The following TDRD6 variants were observed in gnomAD, a reference collection of about 807,000 sequenced individuals.
TDRD6 encodes the protein tudor domain containing 6, also known as tudor domain-containing protein 6.
A neutral mutation model predicts 157.5 loss-of-function variants in TDRD6; 186 were observed. The observed-to-expected ratio is 1.18, with a 90% CI of 1.05 to 1.33. The LOEUF (loss-of-function observed/expected upper bound fraction) is 1.33, where lower values mean the gene tolerates loss of function less well. Among genes scored for constraint, TDRD6 ranks in the 40% most tolerant of loss-of-function variants. The probability of loss-of-function intolerance (pLI) is 0.00; values close to 1 mark genes in which losing one functional copy is unlikely to be tolerated. For synonymous variants in TDRD6, 1,075 were observed against 945.2 expected, an observed-to-expected ratio of 1.14 and a Z score of -2.52; for missense variants, 3,066 against 2,508.0, an observed-to-expected ratio of 1.22 and a Z score of -4.75.
At chr6:46,683,724 A>T (rs1055597656), upstream of TDRD6, among the ~76,000 whole-genome samples, 3 of 133,058 alleles carry the variant, frequency 2.3e-5, no homozygotes, top group Admixed American at 2.3e-4. Context: ...AATAACTACA[A>T]CTTATTACAT....
chr6:46,687,781 C>T, upstream of TDRD6: 1 of 241,184 alleles, frequency 4.1e-6, no homozygotes, highest in Non-Finnish European at 8.0e-6. Context: ...CCTGAACGTC[C>T]CAACAAGCTC....
chr6:46,695,681 G>T, intron 1 of TDRD6, 140 bp from the exon 2 acceptor site: 1 of 761,434 alleles, frequency 1.3e-6, no homozygotes, highest in Non-Finnish European at 1.9e-6. Flanking sequence ...CAAAATTGAG[G>T]GAGACAGTCA....
Position 46,688,115 on chromosome 6 carries a change from GC to G in TDRD6, c.-12del, listed in dbSNP as rs1179052632. 18 of 1,490,612 alleles carry G rather than the reference GC, an allele frequency of 1.2e-5. No homozygotes were observed. The highest frequency in any genetic ancestry group is 2.9e-5 in the African/African-American group (2 of 68,484). The allele number at this position is 1,490,612 out of a possible 1,614,324, so 92.3% of individuals were successfully genotyped here. On this transcript the variant is annotated 5_prime_UTR_variant, in exon 1 of 4. Transcript: ENST00000316081. Reference sequence around the variant, plus strand: ...CTTAATTTCCGGAAGTGGGGGCCGCGCCGCGCCGTCAAGATGTGCTCGACGC... The same window carrying G: ...CTTAATTTCCGGAAGTGGGGGCCGCGCGCGCCGTCAAGATGTGCTCGACGC...
rs756657916 is a variant in TDRD6 at position 46,691,704 on chromosome 6, A to G, written c.3576A>G (p.Thr1192=). Residue 1192 remains threonine (T), a synonymous_variant, in exon 1 of 4, where the codon ACA becomes ACG. Transcript: ENST00000316081. The part of the protein sequence containing the change: ...EKNENMKLPC[T]EYLSKSVGYK... ...ATGAGAATATGAAGTTGCCATGTAC[A>G]GAGTATTTAAGTAAATCAGTAGGGT... is the stretch of plus-strand genomic sequence containing the variant. 10 of 1,608,476 alleles carry G rather than the reference A, an allele frequency of 6.2e-6. No homozygotes were observed. In the East Asian group the frequency reaches 1.8e-4, roughly 29 times the overall value.
At chr6:46,681,481 G>C in the TDRD6 span, 1 of 463,576 alleles carries the variant, frequency 2.2e-6, no homozygotes, top group South Asian at 1.6e-5. Context: ...TCTGAATTTT[G>C]AGGAATACAT....
In TDRD6 at chr6:46,692,242, G is replaced by A. The variant is rs1357200144; in HGVS notation, c.4114G>A (p.Ala1372Thr). Residue 1372 changes from alanine to threonine, a missense_variant, in exon 1 of 4, where the codon GCT becomes ACT. Coordinates refer to ENST00000316081, the MANE Select transcript of TDRD6 (RefSeq NM_001010870.3). ...CCCAGAAGATAATTTATGGTATCGT[G>A]CTGTGATCAAGGAGCAACAACCCAA... ...VFPEDNLWYR[A>T]VIKEQQPNDL... The A allele has an allele frequency of 9.9e-6, 16 of 1,613,966 alleles. No homozygotes were observed. The highest frequency in any genetic ancestry group is 3.3e-5 in the Admixed American group (2 of 60,002).
Position 46,691,629 on chromosome 6 carries a change from AAAAG to A in TDRD6, c.3506_3509del (p.Glu1169ValfsTer18), listed in dbSNP as rs1582544808. 9 of 1,613,484 alleles carry A rather than the reference AAAAG, an allele frequency of 5.6e-6. No homozygotes were observed. Among genetic ancestry groups the A allele is most frequent in the African/African-American group, 1.3e-5 (1 of 75,020 alleles). ...TTAGTTACAAAGATAGAATAAGAAA[AAAAG>A]AAAGTGAAGTCCTCTGTTCTACAAC... On this transcript the variant is annotated frameshift_variant, in exon 1 of 4. Coordinates refer to ENST00000316081, the MANE Select transcript of TDRD6 (RefSeq NM_001010870.3). LOFTEE classifies it high-confidence loss of function.
At chr6:46,680,788 T>C in the TDRD6 span, among the ~76,000 whole-genome samples, 2 of 152,226 alleles carry the variant, frequency 1.3e-5, no homozygotes. Flanking sequence ...AGATGCACTA[T>C]ACTTGCTGCT....
At position 46,689,486 on chromosome 6, in the gene TDRD6, A is replaced by G; in HGVS notation, c.1358A>G (p.Glu453Gly). The change falls in exon 1 of 4, where the codon GAG becomes GGG. Residue 453 changes from glutamate to glycine, a missense_variant. Transcript: ENST00000316081. ...CGAGTCCTTCAGAGCCAGGCAACAGAGGAGGAGGAACCAGAAACATCTCAG... is the reference window on the plus strand; with the variant it reads ...CGAGTCCTTCAGAGCCAGGCAACAGGGGAGGAGGAACCAGAAACATCTCAG... ...ADRVLQSQATEEEEPETSQSQ... is the reference protein window; with the variant it reads ...ADRVLQSQATGEEEPETSQSQ... The G allele has an allele frequency of 6.2e-7, 1 of 1,613,808 alleles. No homozygotes were observed. Among genetic ancestry groups the G allele is most frequent in the Non-Finnish European group, 8.5e-7 (1 of 1,180,032 alleles).
At position 46,688,642 on chromosome 6, in the gene TDRD6, G is replaced by A. The variant is rs1562051907; in HGVS notation, c.514G>A (p.Asp172Asn). 6.3e-7 allele frequency: 1 copy of A among 1,599,346 alleles called. No individual in the cohort carries two copies. The highest frequency in any genetic ancestry group is 8.5e-7 in the Non-Finnish European group (1 of 1,179,872). Residue 172 changes from aspartate (D) to asparagine (N), a missense_variant, in exon 1 of 4, where the codon GAC becomes AAC. Transcript: ENST00000316081. ...CAAGGAGGTGCACGGGTGCGTCCTG[G>A]ACGTGCTGCTGCTCCATCGCCTGGT... ...QGKEVHGCVL[D>N]VLLLHRLVLL... is the part of the protein sequence containing the mutation.
rs1423448623 is a variant in TDRD6 at position 46,690,456 on chromosome 6, C to CA, written c.2329dup (p.Arg777LysfsTer6). On this transcript the variant is annotated frameshift_variant, in exon 1 of 4. Coordinates refer to ENST00000316081, the MANE Select transcript of TDRD6 (RefSeq NM_001010870.3). LOFTEE classifies it high-confidence loss of function. ...TGGAAGTTGGAAGTACAGTAGAAGT[C>CA]AGAGTGTCTTATGTTGAAAACCCTG... is the stretch of plus-strand genomic sequence containing the variant. 5 of 1,614,004 alleles carry CA rather than the reference C, an allele frequency of 3.1e-6. No homozygotes were observed. Among genetic ancestry groups the CA allele is most frequent in the African/African-American group, 1.3e-5 (1 of 74,924 alleles).
chr6:46,692,080 T>C lies in TDRD6; in HGVS notation c.3952T>C (p.Ser1318Pro), dbSNP rs202085710. Residue 1318 changes from serine (S) to proline (P), a missense_variant, in exon 1 of 4, where the codon TCA (serine) becomes CCA (proline). Coordinates refer to ENST00000316081, the MANE Select transcript of TDRD6 (RefSeq NM_001010870.3). ...TVYVSHINDLSDFYVQLIEDE... is the reference protein window; with the variant it reads ...TVYVSHINDLPDFYVQLIEDE... ...ATATGTTTCTCATATAAATGACCTT[T>C]CAGACTTTTATGTTCAACTAATAGA... 3 of 1,612,924 alleles carry C rather than the reference T, an allele frequency of 1.9e-6. No individual in the cohort carries two copies. The highest frequency in any genetic ancestry group is 1.7e-6 in the Non-Finnish European group (2 of 1,179,552).
chr6:46,686,158 C>A (rs528137549), upstream of TDRD6, among the ~76,000 whole-genome samples: 1 of 152,310 alleles, frequency 6.6e-6, no homozygotes, highest in South Asian at 2.1e-4. Context: ...GTCATAATAT[C>A]TACAACCCTG....
chr6:46,698,307 T>C (rs1582552205), intron 3 of TDRD6, among the ~76,000 whole-genome samples: 1 of 152,130 alleles, frequency 6.6e-6, no homozygotes, highest in Non-Finnish European at 1.5e-5. Context: ...GATTAGAAAA[T>C]GTTTTGGTCT....
rs1764345160 is a variant in TDRD6 at position 46,692,053 on chromosome 6, GTA to G, written c.3929_3930del (p.Tyr1310CysfsTer6). On this transcript the variant is annotated frameshift_variant, in exon 1 of 4. Transcript: ENST00000316081. LOFTEE classifies it high-confidence loss of function. The part of the protein sequence containing the change: ...KTIMPGFKTT[V>X]YVSHINDLSD... ...TATAATGCCTGGATTTAAAACAACTGTATATGTTTCTCATATAAATGACCTTT... is the reference window on the plus strand; with the variant it reads ...TATAATGCCTGGATTTAAAACAACTGTATGTTTCTCATATAAATGACCTTT... The G allele has an allele frequency of 6.2e-7, 1 of 1,612,878 alleles. No individual in the cohort carries two copies. Among genetic ancestry groups the G allele is most frequent in the African/African-American group, 1.3e-5 (1 of 74,772 alleles).
At position 46,688,732 on chromosome 6, in the gene TDRD6, G is replaced by T; in HGVS notation, c.604G>T (p.Asp202Tyr). Reference protein sequence around the residue: ...RELGLARRVPDSLFRSLLERY... With the variant: ...RELGLARRVPYSLFRSLLERY... Reference sequence around the variant, plus strand: ...GCTGGGCCTGGCTCGGCGGGTGCCCGACAGCCTCTTCCGTTCGCTGCTGGA... The same window carrying T: ...GCTGGGCCTGGCTCGGCGGGTGCCCTACAGCCTCTTCCGTTCGCTGCTGGA... Residue 202 changes from aspartate to tyrosine, a missense_variant, in exon 1 of 4, where the codon GAC becomes TAC. By Grantham distance (160) the Asp-to-Tyr change is radical. Transcript: ENST00000316081. 2.5e-6 allele frequency: 4 copies of T among 1,599,552 alleles called. No individual in the cohort carries two copies. The highest frequency in any genetic ancestry group is 1.7e-6 in the Non-Finnish European group (2 of 1,178,902).
chr6:46,696,610 T>C (rs1243471202), intron 2 of TDRD6, among the ~76,000 whole-genome samples: 1 of 65,252 alleles, frequency 1.5e-5, no homozygotes, highest in African/African-American at 6.5e-5. Flanking sequence ...TATTTTTTTT[T>C]TTTTTTTTTT....
rs771172903 is a variant in TDRD6 at position 46,690,456 on chromosome 6, C to T, written c.2328C>T (p.Val776=). 9.3e-6 allele frequency: 15 copies of T among 1,614,004 alleles called. No individual in the cohort carries two copies. In the South Asian group the frequency reaches 1.5e-4, roughly 17 times the overall value. Residue 776 remains valine (V), a synonymous_variant, in exon 1 of 4, where the codon GTC becomes GTT. Coordinates refer to ENST00000316081, the MANE Select transcript of TDRD6 (RefSeq NM_001010870.3). ...TGGAAGTTGGAAGTACAGTAGAAGT[C>T]AGAGTGTCTTATGTTGAAAACCCTG... ...GELEVGSTVE[V]RVSYVENPGY...
Position 46,693,820 on chromosome 6 carries a change from A to G in TDRD6, c.5692A>G (p.Ser1898Gly), listed in dbSNP as rs759996070. 16 of 1,614,096 alleles carry G rather than the reference A, an allele frequency of 9.9e-6. No individual in the cohort carries two copies. Among genetic ancestry groups the G allele is most frequent in the South Asian group, 7.7e-5 (7 of 91,094 alleles). ...GCTATTTACACTGCAGCTTCCTCTC[A>G]GCTGTGAAGCTGAGAAACAGCCAGA... ...MELFTLQLPL[S>G]CEAEKQPELE... Residue 1898 changes from serine to glycine, a missense_variant, in exon 1 of 4, where the codon AGC becomes GGC. Transcript: ENST00000316081.
Sources: allele counts gnomAD v4.1 joint callset (sites outside exome capture counted in the v4.1 genomes callset), GRCh38; gene constraint gnomAD v4.1.1; transcripts MANE v1.5; gene names NCBI Gene and HGNC (gene_info 2026-07-23, HGNC 2026-07-21).